The following R3HDM2 variants were observed in gnomAD, a reference collection of about 807,000 sequenced individuals.
R3HDM2 encodes R3H domain-containing protein 2.
A neutral mutation model predicts 124.5 loss-of-function variants in R3HDM2; 38 were observed. That is an observed-to-expected ratio of 0.31 (90% CI 0.24 to 0.40). The LOEUF (loss-of-function observed/expected upper bound fraction) is 0.40. Ranked by LOEUF, R3HDM2 falls within the 10% of genes least tolerant of loss-of-function variation. The probability of loss-of-function intolerance (pLI) is 1.00; values close to 1 mark genes in which losing one functional copy is unlikely to be tolerated. For synonymous variants in R3HDM2, 391 were observed against 448.0 expected (o/e 0.87, Z 1.61); for missense variants, 869 against 1,236.9 (o/e 0.70, Z 4.46).
chr12:57,347,523 C>G (rs1022545276), intron 2 of R3HDM2, among the ~76,000 whole-genome samples: 4 of 152,108 alleles, frequency 2.6e-5, no homozygotes, highest in African/African-American at 9.6e-5. Context: ...AAAGAAAAAA[C>G]ACAAAATAAG....
At chr12:57,263,776 A>T (rs1318414907) in intron 19 of R3HDM2, among the ~76,000 whole-genome samples, 2 of 152,198 alleles carry the variant, frequency 1.3e-5, no homozygotes, top group East Asian at 3.9e-4. Flanking sequence ...CCTGGCCTGG[A>T]AGTCATTGCT....
intron 2 of R3HDM2, among the ~76,000 whole-genome samples, chr12:57,351,182 G>C (rs1222866470): frequency 1.3e-5 from 2 of 152,166 alleles, no homozygotes; most frequent in Non-Finnish European, 2.9e-5. Context: ...TGGAAGGACT[G>C]CTTGAGCCCA....
intron 1 of R3HDM2, among the ~76,000 whole-genome samples, chr12:57,398,413 G>A (rs1353426049): frequency 6.6e-6 from 1 of 151,760 alleles, no homozygotes. Flanking sequence ...CAATAAAATG[G>A]CCAAACTGTC....
Position 57,256,070 on chromosome 12 carries a change from T to C in R3HDM2, c.2552A>G (p.Gln851Arg), listed in dbSNP as rs2038898607. ...GQSTYTVHQG[Q>R]SGLKHGNRGK... is the part of the protein sequence containing the mutation. ...CCGGTTTCCATGCTTCAGTCCACTCTGTCCCTTCAACATTTGAAAGACGAC... is the reference window on the plus strand; with the variant it reads ...CCGGTTTCCATGCTTCAGTCCACTCCGTCCCTTCAACATTTGAAAGACGAC... Residue 851 changes from glutamine (Q) to arginine (R), a missense_variant, in exon 23 of 24, where the codon CAG becomes CGG. Physicochemically the swap from Gln to Arg is conservative, Grantham distance 43. Transcript: ENST00000402412. 2 of 1,613,670 alleles carry C rather than the reference T, an allele frequency of 1.2e-6. No individual in the cohort carries two copies. Among genetic ancestry groups the C allele is most frequent in the African/African-American group, 1.3e-5 (1 of 74,926 alleles).
intron 2 of R3HDM2, among the ~76,000 whole-genome samples, chr12:57,323,728 A>G (rs982299648): frequency 1.3e-5 from 2 of 152,182 alleles, no homozygotes; most frequent in Admixed American, 1.3e-4. Flanking sequence ...GCTTTGATCA[A>G]TGGACTGAAG....
At chr12:57,279,103 C>T (rs2045537857) in intron 14 of R3HDM2, among the ~76,000 whole-genome samples, 1 of 149,566 alleles carries the variant, frequency 6.7e-6, no homozygotes, top group Non-Finnish European at 1.5e-5. Flanking sequence ...GGGCTCTCCT[C>T]AAAAAGAGCT....
At position 57,310,326 on chromosome 12, in the gene R3HDM2, T is replaced by A; in HGVS notation, c.103A>T (p.Thr35Ser). 2 of 1,548,922 alleles carry A rather than the reference T, an allele frequency of 1.3e-6. No individual in the cohort carries two copies. Among genetic ancestry groups the A allele is most frequent in the Non-Finnish European group, 1.7e-6 (2 of 1,146,140 alleles). ...SVNKNKFISK[T>S]PSKEEIEKEC... ...TTCTCAATTTCTTCCTTACTTGGAG[T>A]CTTAGATATAAACTTGTTTTTGTTT... Residue 35 changes from threonine to serine, a missense_variant, in exon 3 of 24, where the codon ACT (threonine) becomes TCT (serine). This residue lies in a region of R3HDM2 where 267 missense variants were observed against 447.7 expected (regional missense o/e 0.60). Transcript: ENST00000402412.
chr12:57,286,663 C>A (rs1185041792), intron 12 of R3HDM2, among the ~76,000 whole-genome samples: 2 of 152,072 alleles, frequency 1.3e-5, no homozygotes. Context: ...GGGTGGATCA[C>A]CTGAGGTCAG....
intron 1 of R3HDM2, among the ~76,000 whole-genome samples, chr12:57,416,602 T>G (rs2069631936): frequency 6.6e-6 from 1 of 151,742 alleles, no homozygotes; most frequent in Non-Finnish European, 1.5e-5. Context: ...GCCCCAGGAG[T>G]TCAAGACCAG....
chr12:57,417,405 G>A (rs898734419), intron 1 of R3HDM2, among the ~76,000 whole-genome samples: 6 of 150,624 alleles, frequency 4.0e-5, no homozygotes, highest in Admixed American at 2.0e-4. Flanking sequence ...AAAAAAGAGA[G>A]AGACTTCCAC....
chr12:57,396,568 G>A (rs2067537284), intron 1 of R3HDM2, among the ~76,000 whole-genome samples: 1 of 152,058 alleles, frequency 6.6e-6, no homozygotes, highest in Non-Finnish European at 1.5e-5. Context: ...CACGAGGTCA[G>A]GAGTTCAAGA....
intron 2 of R3HDM2, among the ~76,000 whole-genome samples, chr12:57,312,403 G>A (rs186562183): frequency 2.8e-4 from 42 of 151,546 alleles, no homozygotes; most frequent in Admixed American, 1.8e-3. Context: ...AAACTCCTGC[G>A]TTCAGGGAGT....
In R3HDM2 at chr12:57,297,407, A is replaced by G. The variant is rs1201560477; in HGVS notation, c.501-20T>C. ...CTGTCCCTGTTTAAAAAAGATTAAA[A>G]CAAAACAAAACAAAACAAAAAGCAG... On this transcript the variant is annotated intron_variant, in intron 7 of 23. Coordinates refer to ENST00000402412, the MANE Select transcript of R3HDM2 (RefSeq NM_001394031.1). 7 of 1,399,896 alleles carry G rather than the reference A, an allele frequency of 5.0e-6. No individual in the cohort carries two copies. The highest frequency in any genetic ancestry group is 2.2e-5 in the Admixed American group (1 of 46,224). 86.7% of individuals were successfully genotyped at this position (1,399,896 alleles called of 1,614,324 possible). A position where few individuals can be genotyped will look rare whatever the true frequency, so the allele number is the denominator to read the frequency against.
intron 1 of R3HDM2, among the ~76,000 whole-genome samples, chr12:57,429,433 T>A (rs1869039635): frequency 6.6e-6 from 1 of 152,110 alleles, no homozygotes; most frequent in Admixed American, 6.5e-5. Context: ...TTCACCACTA[T>A]TTAAACTTTT....
intron 2 of R3HDM2, among the ~76,000 whole-genome samples, chr12:57,313,656 G>C (rs942781930): frequency 9.2e-5 from 14 of 151,822 alleles, no homozygotes; most frequent in Non-Finnish European, 1.9e-4. Context: ...GAGGTAGGAG[G>C]GTCGCTTGAG....
chr12:57,335,492 CTT>C lies in R3HDM2; in HGVS notation c.-35-25031_-35-25030del, dbSNP rs34808381. Among the ~76,000 whole-genome samples, 242 of 111,726 alleles carry C rather than the reference CTT, an allele frequency of 2.2e-3. 1 individual carries two copies. Among genetic ancestry groups the C allele is most frequent in the East Asian group, 0.01 (40 of 3,810 alleles). The allele number at this position is 111,726 out of a possible 152,430, so 73.3% of individuals were successfully genotyped here. A position where few individuals can be genotyped will look rare whatever the true frequency, so the allele number is the denominator to read the frequency against. On this transcript the variant is annotated intron_variant, in intron 2 of 23. Coordinates refer to ENST00000402412, the MANE Select transcript of R3HDM2 (RefSeq NM_001394031.1). ...GGCGTGAGCCATCACGCCCGGCCAC[CTT>C]TTTTTTTTTTTTTTTTTTTAAGTGA...
At chr12:57,377,097 A>AATAAATAAATAAATAC (rs1315125435) in intron 2 of R3HDM2, among the ~76,000 whole-genome samples, 1 of 134,916 alleles carries the variant, frequency 7.4e-6, no homozygotes, top group African/African-American at 2.6e-5. Context: ...TAAATAAATA[A>AATAAATAAATAAATAC]ATAAATAAAA....
intron 2 of R3HDM2, among the ~76,000 whole-genome samples, chr12:57,392,791 A>G (rs1280776765): frequency 6.7e-6 from 1 of 148,864 alleles, no homozygotes; most frequent in Non-Finnish European, 1.5e-5. Flanking sequence ...CAGCAGTTCA[A>G]TTCTATAGTA....
At chr12:57,391,339 C>T (rs756879133) in intron 2 of R3HDM2, among the ~76,000 whole-genome samples, 1 of 151,988 alleles carries the variant, frequency 6.6e-6, no homozygotes, top group Non-Finnish European at 1.5e-5. Context: ...TTGGGGTAAG[C>T]CAATCTCAAA....
Sources: allele counts gnomAD v4.1 joint callset (sites outside exome capture counted in the v4.1 genomes callset), GRCh38; gene constraint gnomAD v4.1.1; regional missense constraint gnomAD v4.1.1; transcripts MANE v1.5; gene names NCBI Gene and HGNC (gene_info 2026-07-23, HGNC 2026-07-21).